The following E2F7 variants were observed in gnomAD, a reference collection of about 807,000 sequenced individuals.
The protein encoded by E2F7 is transcription factor E2F7.
Under a neutral mutation model 81.1 loss-of-function variants are expected in E2F7, and 35 were observed. The ratio of observed to expected loss-of-function variants is 0.43; its 90% CI spans 0.33 to 0.57. E2F7 has a LOEUF of 0.57. Ranked by LOEUF, E2F7 falls within the 20% of genes least tolerant of loss-of-function variation. E2F7 has a pLI of 0.04. For synonymous variants in E2F7, 416 were observed against 416.2 expected, an observed-to-expected ratio of 1.00 and a Z score of 0.01; for missense variants, 961 against 1,093.7, an observed-to-expected ratio of 0.88 and a Z score of 1.71.
chr12:77,023,908 AAG>A lies in E2F7; in HGVS notation c.*105_*106del, dbSNP rs201129112. On this transcript the variant is annotated 3_prime_UTR_variant, in exon 13 of 13. Coordinates refer to ENST00000322886, the MANE Select transcript of E2F7 (RefSeq NM_203394.3). The stretch of plus-strand genomic sequence containing the variant: ...GGGAAGTTAACAGAAGTGTGGATGA[AAG>A]AGAGAGGAAGGACCCGTGCTCAGGA... 4.5e-6 allele frequency: 6 copies of A among 1,332,388 alleles called. No individual in the cohort carries two copies. The highest frequency in any genetic ancestry group is 2.7e-4 in the Middle Eastern group (1 of 3,648). 82.5% of individuals were successfully genotyped at this position (1,332,388 alleles called of 1,614,324 possible).
At chr12:77,041,024 C>T (rs894359250) in intron 7 of E2F7, among the ~76,000 whole-genome samples, 1 of 152,140 alleles carries the variant, frequency 6.6e-6, no homozygotes, top group African/African-American at 2.4e-5. Context: ...CTAGGGAATA[C>T]AGAAAGATCA....
At chr12:77,057,916 G>C (rs1955047036) in intron 2 of E2F7, among the ~76,000 whole-genome samples, 1 of 152,194 alleles carries the variant, frequency 6.6e-6, no homozygotes, top group Non-Finnish European at 1.5e-5. Context: ...TTTTGGTTGA[G>C]CAGGGGGTTA....
chr12:77,035,601 G>A (rs997360190), intron 7 of E2F7, among the ~76,000 whole-genome samples: 2 of 152,192 alleles, frequency 1.3e-5, no homozygotes, highest in Admixed American at 6.5e-5. Context: ...CTGTTTCCAT[G>A]TAACTTCACC....
intron 4 of E2F7, among the ~76,000 whole-genome samples, chr12:77,049,839 TG>T (rs1312013848): frequency 3.3e-5 from 5 of 152,362 alleles, no homozygotes; most frequent in Admixed American, 1.3e-4. Context: ...CTTTTTTGTG[TG>T]TATGTAAAAC....
At chr12:77,027,734 A>G in intron 11 of E2F7, 149 bp downstream of exon 11, 1 of 1,064,590 alleles carries the variant, frequency 9.4e-7, no homozygotes, top group Non-Finnish European at 1.3e-6. Flanking sequence ...CCCTTCATTT[A>G]TAGATGGAGA....
chr12:77,060,980 A>G (rs987251877), intron 2 of E2F7, among the ~76,000 whole-genome samples: 3 of 152,172 alleles, frequency 2.0e-5, no homozygotes, highest in African/African-American at 7.2e-5. Context: ...TCTTTGTTCT[A>G]TAGAACTCTC....
At chr12:77,028,754 T>C (rs1171687744) in intron 10 of E2F7, among the ~76,000 whole-genome samples, 1 of 152,220 alleles carries the variant, frequency 6.6e-6, no homozygotes, top group African/African-American at 2.4e-5. Context: ...ATTACAGGCA[T>C]AAGCCACCGC....
At chr12:77,035,111 G>A (rs1954838019) in intron 7 of E2F7, among the ~76,000 whole-genome samples, 1 of 152,166 alleles carries the variant, frequency 6.6e-6, no homozygotes. Context: ...AATAGGGTGA[G>A]CTCTATAATG....
At chr12:77,058,723 C>A (rs1414036164) in intron 2 of E2F7, among the ~76,000 whole-genome samples, 1 of 152,150 alleles carries the variant, frequency 6.6e-6, no homozygotes, top group Non-Finnish European at 1.5e-5. Context: ...GAGATTAGTT[C>A]CTGGCATATA....
intron 11 of E2F7, 64 bp downstream of exon 11, chr12:77,027,819 T>C: frequency 6.3e-7 from 1 of 1,575,190 alleles, no homozygotes; most frequent in Non-Finnish European, 8.6e-7. Context: ...CAGACAAAAA[T>C]TTAAAAATCC....
At chr12:77,043,698 A>C (rs945803937) in intron 6 of E2F7, among the ~76,000 whole-genome samples, 3 of 152,134 alleles carry the variant, frequency 2.0e-5, no homozygotes, top group Non-Finnish European at 4.4e-5. Context: ...ACTGTACTAA[A>C]GACAGGCAGC....
chr12:77,055,648 C>G (rs1427029551), intron 3 of E2F7, among the ~76,000 whole-genome samples: 1 of 151,966 alleles, frequency 6.6e-6, no homozygotes, highest in East Asian at 1.9e-4. Flanking sequence ...TAAATGAGCC[C>G]TGGTCCAGGG....
intron 9 of E2F7, among the ~76,000 whole-genome samples, chr12:77,032,511 A>C (rs1013836680): frequency 6.6e-6 from 1 of 152,206 alleles, no homozygotes; most frequent in Non-Finnish European, 1.5e-5. Context: ...ATTGGGCCCC[A>C]AATTTAAGTC....
In E2F7 at chr12:77,024,209, C is replaced by T. The variant is rs1555199088; in HGVS notation, c.2566-24G>A. The T allele has an allele frequency of 7.5e-6, 12 of 1,608,086 alleles. 1 individual carries two copies. The highest frequency in any genetic ancestry group is 5.5e-5 in the South Asian group (5 of 90,552). ...GACTGAAAAAAGAAAAAAGAAAAAA[C>T]AGAAGTGAAGTCATATTGTTTCTGA... On this transcript the variant is annotated intron_variant, in intron 12 of 12. Transcript: ENST00000322886.
intron 6 of E2F7, 109 bp from the exon 7 acceptor site, chr12:77,043,308 G>A (rs1333348174): frequency 6.8e-7 from 1 of 1,471,660 alleles, no homozygotes; most frequent in East Asian, 2.3e-5. Context: ...CAGGTGGAAA[G>A]CAGCAGGTTG....
intron 7 of E2F7, among the ~76,000 whole-genome samples, 171 bp from the exon 8 acceptor site, chr12:77,034,213 C>T (rs1247204736): frequency 6.6e-6 from 1 of 151,452 alleles, no homozygotes; most frequent in Non-Finnish European, 1.5e-5. Flanking sequence ...ACCCCAATTT[C>T]TTTCAATGTA....
intron 7 of E2F7, among the ~76,000 whole-genome samples, chr12:77,035,985 A>AACTTAAAGACACAGC (rs1954846405): frequency 1.2e-4 from 1 of 8,568 alleles, no homozygotes; most frequent in Non-Finnish European, 3.1e-4. Context: ...GAATATGAAT[A>AACTTAAAGACACAGC]AATGAATAAA....
At position 77,033,906 on chromosome 12, in the gene E2F7, G is replaced by T. The variant is rs147289829; in HGVS notation, c.1260C>A (p.Ile420=). 69 of 1,613,930 alleles carry T rather than the reference G, an allele frequency of 4.3e-5. No individual in the cohort carries two copies. The African/African-American group carries it at 8.4e-4, about 20-fold the overall frequency. The change falls in exon 8 of 13, where the codon ATC becomes ATA. Residue 420 remains isoleucine (I), a synonymous_variant. Transcript: ENST00000322886. ...TCGGTTCTGAGTTCACTTTCCTCTG[G>T]ATCCTCTCAGAAGCCTGAACTGTGT... ...SFNTVQASER[I]QRKVNSEPSS...
intron 7 of E2F7, among the ~76,000 whole-genome samples, chr12:77,034,455 C>T (rs1023283012): frequency 3.9e-5 from 6 of 152,172 alleles, no homozygotes; most frequent in African/African-American, 1.4e-4. Context: ...AGATCAGCTT[C>T]CTATGCCACA....
Sources: gnomAD v4.1 joint callset for allele counts (sites outside exome capture counted in the v4.1 genomes callset) on GRCh38, gnomAD v4.1.1 for gene constraint, MANE v1.5 for transcripts, NCBI Gene and HGNC (gene_info 2026-07-23, HGNC 2026-07-21) for gene names.